The following APOH variants were observed in gnomAD, a reference collection of about 807,000 sequenced individuals.
APOH encodes the protein apolipoprotein H, also known as beta-2-glycoprotein 1.
APOH carries 48 observed loss-of-function variants against 39.8 expected under a neutral mutation model. That is an observed-to-expected ratio of 1.21 (90% CI 0.96 to 1.54). The LOEUF (loss-of-function observed/expected upper bound fraction) is 1.54. APOH is among the 40% of genes most tolerant of loss of function. The pLI, the probability that APOH is intolerant of heterozygous loss-of-function variation, is 0.00. For missense variants in APOH, 415 were observed against 421.2 expected (o/e 0.99, Z 0.13); for synonymous variants, 153 against 151.1 (o/e 1.01, Z -0.09).
At chr17:66,215,043 A>G (rs1043336789) in intron 6 of APOH, among the ~76,000 whole-genome samples, 1 of 152,174 alleles carries the variant, frequency 6.6e-6, no homozygotes, top group Non-Finnish European at 1.5e-5. Flanking sequence ...GTGTTGGCTG[A>G]TAACAGCTCA....
intron 5 of APOH, among the ~76,000 whole-genome samples, chr17:66,217,298 C>T (rs1453085151): frequency 6.6e-6 from 1 of 150,474 alleles, no homozygotes; most frequent in Non-Finnish European, 1.5e-5. Context: ...AGAAGAAAAG[C>T]AAAGTCTATT....
intron 5 of APOH, among the ~76,000 whole-genome samples, chr17:66,217,886 T>C (rs1257956511): frequency 6.6e-6 from 1 of 151,906 alleles, no homozygotes; most frequent in African/African-American, 2.4e-5. Context: ...AAGCTTGCAG[T>C]GAGCTGAGAT....
chr17:66,213,160 C>G (rs4790914), intron 7 of APOH, among the ~76,000 whole-genome samples: 102,738 of 152,126 alleles, frequency 0.68, 35,572 homozygotes, highest in East Asian at 0.92. Context: ...TCCTCTCCCA[C>G]CTGCTAAAAC....
At chr17:66,223,862 T>C in intron 3 of APOH, 88 bp from the exon 4 acceptor site, 1 of 1,159,782 alleles carries the variant, frequency 8.6e-7, no homozygotes, top group Non-Finnish European at 1.3e-6. Flanking sequence ...TTGCTTCATG[T>C]TAATGCTATT....
Position 66,228,020 on chromosome 17 carries a change from G to T in APOH, c.241C>A (p.Pro81Thr). 8.1e-6 allele frequency: 13 copies of T among 1,612,428 alleles called. No individual in the cohort carries two copies. The highest frequency in any genetic ancestry group is 1.1e-5 in the Non-Finnish European group (13 of 1,179,248). Reference protein sequence around the residue: ...LWPINTLKCTPRVCPFAGILE... With the variant: ...LWPINTLKCTTRVCPFAGILE... The stretch of plus-strand genomic sequence containing the variant: ...AATGTGAGAGAAGGTACTGACTTAC[G>T]TGTACATTTCAGAGTGTTGATGGGC... The change falls in exon 2 of 8, where the codon CCC becomes ACC. Residue 81 changes from proline (P) to threonine (T), a missense_variant and splice_region_variant. This residue lies in a region of APOH where 288 missense variants were observed against 284.9 expected (regional missense o/e 1.01). Transcript: ENST00000205948.
At chr17:66,217,271 A>C (rs2073371130) in intron 5 of APOH, among the ~76,000 whole-genome samples, 1 of 152,126 alleles carries the variant, frequency 6.6e-6, no homozygotes, top group East Asian at 1.9e-4. Flanking sequence ...TACACAGTCT[A>C]AGATGGTGGG....
intron 7 of APOH, among the ~76,000 whole-genome samples, chr17:66,213,809 G>A (rs555495981): frequency 6.6e-5 from 10 of 152,082 alleles, no homozygotes; most frequent in East Asian, 1.9e-4. Flanking sequence ...ATGGTGGTGC[G>A]TGCATGTAAT....
chr17:66,212,331 A>T (rs1011391748), intron 7 of APOH, 143 bp from the exon 8 acceptor site: 1 of 641,890 alleles, frequency 1.6e-6, no homozygotes, highest in African/African-American at 1.8e-5. Flanking sequence ...TGTGAGGTTT[A>T]AGTGATGGGA....
In APOH at chr17:66,228,160, A is replaced by G. The variant is rs1567743212; in HGVS notation, c.101T>C (p.Val34Ala). Residue 34 changes from valine (V) to alanine (A), a missense_variant, in exon 2 of 8, where the codon GTG (valine) becomes GCG (alanine). Val to Ala is a moderately conservative substitution (Grantham distance 64, BLOSUM62 0). Coordinates refer to ENST00000205948, the MANE Select transcript of APOH (RefSeq NM_000042.3). Reference protein sequence around the residue: ...PKPDDLPFSTVVPLKTFYEPG... With the variant: ...PKPDDLPFSTAVPLKTFYEPG... ...CTCATAGAATGTTTTTAACGGGACC[A>G]CTGTGGAAAATGGTAAATCATCTGG... 5 of 1,614,072 alleles carry G rather than the reference A, an allele frequency of 3.1e-6. No homozygotes were observed. The African/African-American group carries it at 5.3e-5, about 17-fold the overall frequency.
intron 3 of APOH, 23 bp downstream of exon 3, chr17:66,226,005 C>T: frequency 6.5e-7 from 1 of 1,546,772 alleles, no homozygotes; most frequent in Non-Finnish European, 8.9e-7. Flanking sequence ...CTGTTAACTG[C>T]TTAGTTCCAT....
intron 6 of APOH, 55 bp from the exon 7 acceptor site, chr17:66,214,705 AAG>A (rs2073354530): frequency 1.3e-6 from 2 of 1,482,728 alleles, no homozygotes; most frequent in African/African-American, 2.8e-5. Flanking sequence ...GTCTTTCTGA[AAG>A]AGAGTATAGC....
intron 7 of APOH, among the ~76,000 whole-genome samples, chr17:66,213,890 A>G (rs1160874441): frequency 2.0e-5 from 3 of 151,940 alleles, no homozygotes; most frequent in Non-Finnish European, 2.9e-5. Flanking sequence ...ATGAGATGTG[A>G]TCGCAACACT....
chr17:66,214,846 G>C (rs909701050), intron 6 of APOH, among the ~76,000 whole-genome samples, 196 bp from the exon 7 acceptor site: 2 of 150,762 alleles, frequency 1.3e-5, no homozygotes, highest in South Asian at 2.1e-4. Context: ...ATTATTCATA[G>C]CTTCCAAGAT....
chr17:66,217,806 G>C (rs2073374655), intron 5 of APOH, among the ~76,000 whole-genome samples: 1 of 152,014 alleles, frequency 6.6e-6, no homozygotes, highest in South Asian at 2.1e-4. Flanking sequence ...AGCCGGGTGT[G>C]GTGGCATGCA....
At chr17:66,222,664 C>T (rs1343872270) in intron 4 of APOH, among the ~76,000 whole-genome samples, 2 of 151,120 alleles carry the variant, frequency 1.3e-5, no homozygotes, top group African/African-American at 4.9e-5. Context: ...CTCCGCCTCC[C>T]GGGTTCAAGT....
chr17:66,220,272 G>A (rs968648736), intron 5 of APOH, among the ~76,000 whole-genome samples: 3 of 152,034 alleles, frequency 2.0e-5, no homozygotes, highest in African/African-American at 7.3e-5. Context: ...ATTCTCTACT[G>A]CTCCTCCAAG....
In APOH at chr17:66,216,649, G is replaced by T. The variant is rs1268946043; in HGVS notation, c.784+139C>A. ...ATGAGGCTTCCCCATGCACCTGTGAGTCCTGAAGTCACATGCCAGCAGTTT... is the reference window on the plus strand; with the variant it reads ...ATGAGGCTTCCCCATGCACCTGTGATTCCTGAAGTCACATGCCAGCAGTTT... On this transcript the variant is annotated intron_variant, in intron 6 of 7. Coordinates refer to ENST00000205948, the MANE Select transcript of APOH (RefSeq NM_000042.3). The T allele has an allele frequency of 1.9e-5, 14 of 753,364 alleles. No individual in the cohort carries two copies. The East Asian group carries it at 3.4e-4, about 19-fold the overall frequency. The allele number at this position is 753,364 out of a possible 1,614,324, so 46.7% of individuals were successfully genotyped here. A position where few individuals can be genotyped will look rare whatever the true frequency, so the allele number is the denominator to read the frequency against.
chr17:66,216,990 C>T, intron 5 of APOH, 23 bp from the exon 6 acceptor site: 3 of 1,546,412 alleles, frequency 1.9e-6, no homozygotes, highest in Non-Finnish European at 2.6e-6. Flanking sequence ...TTCAATAAGA[C>T]ATATTAGTAA....
chr17:66,212,101 T>A lies in APOH; in HGVS notation c.*32A>T. 1.3e-6 allele frequency: 2 copies of A among 1,573,894 alleles called. No individual in the cohort carries two copies. Among genetic ancestry groups the A allele is most frequent in the Non-Finnish European group, 1.7e-6 (2 of 1,144,568 alleles). ...GTTCCTTGGATGAACAAGAAACAAGTGTGACATTTTGTGTGGAATCTGAAA... is the reference window on the plus strand; with the variant it reads ...GTTCCTTGGATGAACAAGAAACAAGAGTGACATTTTGTGTGGAATCTGAAA... On this transcript the variant is annotated 3_prime_UTR_variant, in exon 8 of 8. Coordinates refer to ENST00000205948, the MANE Select transcript of APOH (RefSeq NM_000042.3).
Sources: gnomAD v4.1 joint callset for allele counts (sites outside exome capture counted in the v4.1 genomes callset) on GRCh38, gnomAD v4.1.1 for gene constraint, gnomAD v4.1.1 regional missense constraint, MANE v1.5 for transcripts, NCBI Gene and HGNC (gene_info 2026-07-23, HGNC 2026-07-21) for gene names.